LRRC4C: variants seen among roughly 807,000 people sequenced by gnomAD.
LRRC4C encodes the protein leucine-rich repeat-containing protein 4C.
Under a neutral mutation model 33.6 loss-of-function variants are expected in LRRC4C, and 5 were observed. The ratio of observed to expected loss-of-function variants is 0.15; its 90% CI spans 0.08 to 0.31. LRRC4C has a LOEUF of 0.31. LRRC4C is among the 10% of genes least tolerant of loss of function. The probability of loss-of-function intolerance (pLI) is 1.00; values close to 1 mark genes in which losing one functional copy is unlikely to be tolerated. For missense variants in LRRC4C, 560 were observed against 796.7 expected (o/e 0.70, Z 3.58); for synonymous variants, 329 against 302.0 (o/e 1.09, Z -0.93).
intron 1 of LRRC4C, among the ~76,000 whole-genome samples, chr11:41,415,310 T>C (rs1954635465): frequency 6.6e-6 from 1 of 152,136 alleles, no homozygotes; most frequent in Non-Finnish European, 1.5e-5. Context: ...CACAGATAGA[T>C]AGTCCAGGGA....
At chr11:40,880,938 T>C (rs1955145888) in intron 2 of LRRC4C, among the ~76,000 whole-genome samples, 1 of 151,482 alleles carries the variant, frequency 6.6e-6, no homozygotes, top group Non-Finnish European at 1.5e-5. Context: ...CTACCACATG[T>C]TGTAAGGAAA....
chr11:41,051,555 G>GAAAAAAAAAAAAAAAAAAAAAAA (rs1565337349), intron 1 of LRRC4C, among the ~76,000 whole-genome samples: 79 of 82,764 alleles, frequency 9.5e-4, no homozygotes, highest in Non-Finnish European at 1.2e-3. Context: ...AAAAAAAAAG[G>GAAAAAAAAAAAAAAAAAAAAAAA]AAAAATTAGT....
chr11:41,016,807 TG>T (rs1403764804), intron 1 of LRRC4C, among the ~76,000 whole-genome samples: 6 of 152,200 alleles, frequency 3.9e-5, no homozygotes, highest in African/African-American at 1.4e-4. Flanking sequence ...TTACATTTTT[TG>T]TCCTCTGAAT....
intron 3 of LRRC4C, among the ~76,000 whole-genome samples, chr11:40,598,810 G>A (rs1236544678): frequency 6.6e-6 from 1 of 152,094 alleles, no homozygotes; most frequent in Non-Finnish European, 1.5e-5. Context: ...AGAGGGTGCT[G>A]GGGGAGGGAG....
rs536733591 is a variant in LRRC4C, at chr11:41,306,939, G to A, written c.-496+152492C>T. Among the ~76,000 whole-genome samples, 32 of 152,302 alleles carry A rather than the reference G, an allele frequency of 2.1e-4. No homozygotes were observed. In the South Asian group the frequency reaches 3.7e-3, roughly 18 times the overall value. On this transcript the variant is annotated intron_variant, in intron 1 of 6. Coordinates refer to ENST00000528697, the MANE Select transcript of LRRC4C (RefSeq NM_001258419.2). ...CAAATACACAGAGATATTTTTCCAT[G>A]TTTCATGTACCTTAAGTAACTAAAT...
chr11:40,604,268 C>T (rs886869053), intron 3 of LRRC4C, among the ~76,000 whole-genome samples: 14 of 152,120 alleles, frequency 9.2e-5, no homozygotes, highest in South Asian at 4.1e-4. Context: ...TAAATTCCTC[C>T]TATCTTCTCT....
chr11:40,418,249 C>T (rs1950398736), intron 3 of LRRC4C, among the ~76,000 whole-genome samples: 1 of 151,846 alleles, frequency 6.6e-6, no homozygotes, highest in Non-Finnish European at 1.5e-5. Context: ...CTACATGGAA[C>T]TTAAAAAAAT....
chr11:40,132,458 C>T lies in LRRC4C; in HGVS notation c.-43+8343G>A, dbSNP rs145234595. On this transcript the variant is annotated intron_variant, in intron 6 of 6. Coordinates refer to ENST00000528697, the MANE Select transcript of LRRC4C (RefSeq NM_001258419.2). ...TTGTGGCAATGTATGAATCAGGATG[C>T]AGAATGATAAAATAAGGTCCTGTGC... Among the ~76,000 whole-genome samples, 360 of 152,252 alleles carry T rather than the reference C, an allele frequency of 2.4e-3. 1 individual carries two copies. The highest frequency in any genetic ancestry group is 8.2e-3 in the African/African-American group (339 of 41,554).
In LRRC4C at chr11:40,158,277, G is replaced by A. The variant is rs190723488; in HGVS notation, c.-95-17424C>T. ...GGGACTTGGGGGGAAGAGTGGAAGC[G>A]GGGATGAAGGATAAAAGACTACAAA... On this transcript the variant is annotated intron_variant, in intron 5 of 6. Transcript: ENST00000528697. 5.2e-3 allele frequency among the ~76,000 whole-genome samples: 796 copies of A among 152,122 alleles called. 26 individuals are homozygous for A. Among genetic ancestry groups the A allele is most frequent in the Admixed American group, 0.045 (690 of 15,248 alleles).
At chr11:40,500,066 T>A (rs1453030550) in intron 3 of LRRC4C, among the ~76,000 whole-genome samples, 1 of 151,926 alleles carries the variant, frequency 6.6e-6, no homozygotes, top group Non-Finnish European at 1.5e-5. Flanking sequence ...AAAACCTGAT[T>A]CAAATAATGA....
intron 2 of LRRC4C, among the ~76,000 whole-genome samples, chr11:40,817,365 T>C (rs1271437946): frequency 1.3e-5 from 2 of 152,156 alleles, no homozygotes; most frequent in African/African-American, 4.8e-5. Flanking sequence ...TGAAGAAAGC[T>C]GAGAGTAATT....
chr11:41,011,513 A>G (rs910477895), intron 1 of LRRC4C, among the ~76,000 whole-genome samples: 1 of 152,160 alleles, frequency 6.6e-6, no homozygotes, highest in Non-Finnish European at 1.5e-5. Context: ...TGCACTATAA[A>G]GTAAATAAAA....
At chr11:40,990,875 A>C (rs969965168) in intron 1 of LRRC4C, among the ~76,000 whole-genome samples, 1 of 152,176 alleles carries the variant, frequency 6.6e-6, no homozygotes, top group Non-Finnish European at 1.5e-5. Context: ...ATGAAATGTA[A>C]AAGAAGTGCT....
chr11:40,174,080 C>T (rs1298373672), intron 5 of LRRC4C, among the ~76,000 whole-genome samples: 1 of 152,094 alleles, frequency 6.6e-6, no homozygotes, highest in Non-Finnish European at 1.5e-5. Context: ...GGTATACACA[C>T]TAAAATGTTG....
intron 1 of LRRC4C, among the ~76,000 whole-genome samples, chr11:41,375,050 C>T (rs1297054005): frequency 6.6e-6 from 1 of 151,910 alleles, no homozygotes; most frequent in Non-Finnish European, 1.5e-5. Flanking sequence ...TCACCTGAGC[C>T]CAGAAAGTCA....
chr11:41,361,764 G>GTA (rs1361263909), intron 1 of LRRC4C, among the ~76,000 whole-genome samples: 1 of 152,030 alleles, frequency 6.6e-6, no homozygotes, highest in Non-Finnish European at 1.5e-5. Context: ...AGGAAAAATG[G>GTA]TATTGCTGTA....
intron 1 of LRRC4C, among the ~76,000 whole-genome samples, chr11:40,943,019 A>G (rs1376320613): frequency 1.3e-5 from 2 of 152,196 alleles, no homozygotes; most frequent in Non-Finnish European, 2.9e-5. Flanking sequence ...GCAGACATAA[A>G]CCTACTTTTC....
At chr11:41,008,538 C>T (rs1216190409) in intron 1 of LRRC4C, among the ~76,000 whole-genome samples, 1 of 152,158 alleles carries the variant, frequency 6.6e-6, no homozygotes, top group African/African-American at 2.4e-5. Context: ...CTGCAGACCT[C>T]CTTCTCAGTT....
At chr11:40,353,670 T>C (rs1217571549) in intron 3 of LRRC4C, among the ~76,000 whole-genome samples, 1 of 152,188 alleles carries the variant, frequency 6.6e-6, no homozygotes, top group Admixed American at 6.5e-5. Context: ...CCTGAGATCA[T>C]GCCAATGCAC....
Sources: allele counts gnomAD v4.1 joint callset (sites outside exome capture counted in the v4.1 genomes callset), GRCh38; gene constraint gnomAD v4.1.1; transcripts MANE v1.5; gene names NCBI Gene and HGNC (gene_info 2026-07-23, HGNC 2026-07-21).